The following SBNO1 variants were observed in gnomAD, a reference collection of about 807,000 sequenced individuals.
SBNO1 encodes the protein strawberry notch homolog 1.
In SBNO1, 23 loss-of-function variants were observed where a neutral mutation model predicts 173.6. That is an observed-to-expected ratio of 0.13 (90% CI 0.10 to 0.19). The LOEUF (loss-of-function observed/expected upper bound fraction) is 0.19, where lower values mean the gene tolerates loss of function less well. Among genes scored for constraint, SBNO1 ranks in the 10% least tolerant of loss-of-function variants. The pLI, the probability that SBNO1 is intolerant of heterozygous loss-of-function variation, is 1.00. For missense variants in SBNO1, 1,238 were observed against 1,671.2 expected, an observed-to-expected ratio of 0.74 and a Z score of 4.52; for synonymous variants, 632 against 571.5, an observed-to-expected ratio of 1.11 and a Z score of -1.51.
chr12:123,353,733 C>A lies in SBNO1; in HGVS notation c.1-3292G>T, dbSNP rs1874135624. Among the ~76,000 whole-genome samples the A allele has an allele frequency of 2.6e-5, 4 of 152,160 alleles. 1 individual carries two copies. Among genetic ancestry groups the A allele is most frequent in the African/African-American group, 9.7e-5 (4 of 41,448 alleles). ...AATCAATGCTTTTAACATTTTCAAT[C>A]CATAAAATACTTCGTTAAGACTAAA... On this transcript the variant is annotated intron_variant, in intron 1 of 31. Coordinates refer to ENST00000602398, the MANE Select transcript of SBNO1 (RefSeq NM_001167856.3).
intron 28 of SBNO1, among the ~76,000 whole-genome samples, 191 bp from the exon 29 acceptor site, chr12:123,304,910 C>T (rs2048877455): frequency 6.6e-6 from 1 of 152,156 alleles, no homozygotes; most frequent in South Asian, 2.1e-4. Flanking sequence ...AGTTATTGGA[C>T]CTTAATTCTG....
intron 7 of SBNO1, among the ~76,000 whole-genome samples, chr12:123,332,437 A>G (rs1393831246): frequency 6.6e-6 from 1 of 151,782 alleles, no homozygotes; most frequent in Non-Finnish European, 1.5e-5. Context: ...GATTACAGGC[A>G]TGTGCCACCA....
intron 10 of SBNO1, among the ~76,000 whole-genome samples, chr12:123,328,285 A>T (rs1870812516): frequency 6.6e-6 from 1 of 152,230 alleles, no homozygotes; most frequent in African/African-American, 2.4e-5. Context: ...CTGCAGCAAG[A>T]AGTTGTTATC....
In SBNO1 at chr12:123,350,229, G is replaced by C. The variant is rs912243720; in HGVS notation, c.132+81C>G. 5.3e-6 allele frequency: 8 copies of C among 1,521,954 alleles called. No individual in the cohort carries two copies. In the African/African-American group the frequency reaches 9.6e-5, roughly 18 times the overall value. The allele number at this position is 1,521,954 out of a possible 1,614,324, so 94.3% of individuals were successfully genotyped here. ...TGACTGCACCACTGCACCCCAGCCT[G>C]GGCCACAGAGTGAGACTATCTTAAA... is the stretch of plus-strand genomic sequence containing the variant. On this transcript the variant is annotated intron_variant, in intron 2 of 31. Coordinates refer to ENST00000602398, the MANE Select transcript of SBNO1 (RefSeq NM_001167856.3).
chr12:123,347,034 T>C (rs1290053009), intron 3 of SBNO1, among the ~76,000 whole-genome samples: 2 of 137,538 alleles, frequency 1.5e-5, no homozygotes, highest in Admixed American at 1.5e-4. Context: ...GCCGAGATGG[T>C]GCCACTGCAC....
intron 7 of SBNO1, 63 bp from the exon 8 acceptor site, chr12:123,331,438 T>C (rs943828307): frequency 6.7e-7 from 1 of 1,484,542 alleles, no homozygotes; most frequent in East Asian, 2.3e-5. Context: ...CAATCTTTCA[T>C]ACACTGTTTT....
At chr12:123,331,175 G>A (rs902447270) in intron 8 of SBNO1, 67 bp downstream of exon 8, 22 of 1,507,536 alleles carry the variant, frequency 1.5e-5, no homozygotes, top group Non-Finnish European at 2.0e-5. Context: ...TGTTAGCCAG[G>A]ATGGTCTCGA....
At chr12:123,361,907 G>A (rs562641412) in intron 1 of SBNO1, among the ~76,000 whole-genome samples, 74 of 152,056 alleles carry the variant, frequency 4.9e-4, no homozygotes, top group African/African-American at 1.6e-3. Flanking sequence ...TTGGGAGGCC[G>A]AGGCAGGCGG....
chr12:123,338,117 C>G (rs1304546936), intron 5 of SBNO1, among the ~76,000 whole-genome samples: 2 of 152,184 alleles, frequency 1.3e-5, no homozygotes, highest in African/African-American at 4.8e-5. Context: ...CACTACACAA[C>G]GCTGGGCAAA....
chr12:123,295,637 C>G lies in SBNO1; in HGVS notation c.*271G>C. 2.6e-6 allele frequency: 1 copy of G among 390,326 alleles called. No homozygotes were observed. The allele number at this position is 390,326 out of a possible 1,614,324, so 24.2% of individuals were successfully genotyped here. On this transcript the variant is annotated 3_prime_UTR_variant, in exon 32 of 32. Coordinates refer to ENST00000602398, the MANE Select transcript of SBNO1 (RefSeq NM_001167856.3). ...ACACTCACAAACAGACTGACACACA[C>G]GCACACACACATCCCCCTCTGCTCA...
At chr12:123,339,988 G>C (rs1192335076) in intron 5 of SBNO1, among the ~76,000 whole-genome samples, 3 of 152,016 alleles carry the variant, frequency 2.0e-5, no homozygotes, top group African/African-American at 7.2e-5. Context: ...CAAAACCCAA[G>C]CTCCATTATT....
At chr12:123,331,750 G>A (rs192490306) in intron 7 of SBNO1, among the ~76,000 whole-genome samples, 9 of 152,212 alleles carry the variant, frequency 5.9e-5, no homozygotes, top group African/African-American at 1.7e-4. Context: ...TCGATCTCCT[G>A]ACCTCGTGAT....
chr12:123,356,922 C>T (rs952787173), intron 1 of SBNO1, among the ~76,000 whole-genome samples: 1 of 152,096 alleles, frequency 6.6e-6, no homozygotes, highest in Non-Finnish European at 1.5e-5. Flanking sequence ...ATTTTTTTCT[C>T]CTTAGAGTGC....
At chr12:123,324,193 T>C (rs1870331339) in intron 15 of SBNO1, among the ~76,000 whole-genome samples, 1 of 152,118 alleles carries the variant, frequency 6.6e-6, no homozygotes, top group Non-Finnish European at 1.5e-5. Flanking sequence ...TATAATAACA[T>C]CTCAATATGG....
chr12:123,321,493 AATATT>A, intron 17 of SBNO1, 37 bp downstream of exon 17: 1 of 1,372,820 alleles, frequency 7.3e-7, no homozygotes, highest in African/African-American at 1.4e-5. Flanking sequence ...AATATACTGA[AATATT>A]ATATGCTTTC....
chr12:123,337,412 G>C (rs544878015), intron 5 of SBNO1, among the ~76,000 whole-genome samples: 1 of 152,166 alleles, frequency 6.6e-6, no homozygotes, highest in Non-Finnish European at 1.5e-5. Flanking sequence ...TATGCCAAGG[G>C]AAGAGGACAA....
At chr12:123,302,970 G>A in intron 29 of SBNO1, 70 bp from the exon 30 acceptor site, 2 of 1,170,518 alleles carry the variant, frequency 1.7e-6, no homozygotes, top group East Asian at 2.3e-5. Context: ...AGTCTGGTCT[G>A]TAATTCTAGA....
intron 17 of SBNO1, 101 bp from the exon 18 acceptor site, chr12:123,320,967 T>A (rs918977672): frequency 5.1e-6 from 5 of 987,736 alleles, no homozygotes; most frequent in Non-Finnish European, 7.3e-6. Context: ...GAGACAATGT[T>A]TCGCTGTTGT....
At chr12:123,362,139 C>CA (rs1278371090) in intron 1 of SBNO1, among the ~76,000 whole-genome samples, 68 of 128,832 alleles carry the variant, frequency 5.3e-4, no homozygotes, top group Middle Eastern at 5.0e-3. Context: ...GACTCCACCT[C>CA]AAAAAAAAAA....
Sources: gnomAD v4.1 joint callset for allele counts (sites outside exome capture counted in the v4.1 genomes callset) on GRCh38, gnomAD v4.1.1 for gene constraint, MANE v1.5 for transcripts, NCBI Gene and HGNC (gene_info 2026-07-23, HGNC 2026-07-21) for gene names.